The following ATP9B variants were observed in gnomAD, a reference collection of about 807,000 sequenced individuals.
ATP9B encodes probable phospholipid-transporting ATPase IIB.
In ATP9B, 110 loss-of-function variants were observed where a neutral mutation model predicts 146.1. The observed-to-expected ratio is 0.75, with a 90% CI of 0.65 to 0.88. The LOEUF is 0.88. Among genes scored for constraint, ATP9B ranks in the 40% least tolerant of loss-of-function variants. ATP9B has a pLI of 0.00. For synonymous variants in ATP9B, 604 were observed against 569.7 expected (o/e 1.06, Z -0.86); for missense variants, 1,499 against 1,496.4 (o/e 1.00, Z -0.03).
At chr18:79,174,546 T>G (rs2095130759) in intron 7 of ATP9B, among the ~76,000 whole-genome samples, 2 of 151,952 alleles carry the variant, frequency 1.3e-5, no homozygotes, top group African/African-American at 4.8e-5. Context: ...CAGGTGTCTC[T>G]CAAATCTGTT....
At chr18:79,248,341 G>C (rs950108487) in intron 11 of ATP9B, among the ~76,000 whole-genome samples, 10 of 152,178 alleles carry the variant, frequency 6.6e-5, no homozygotes, top group Admixed American at 3.9e-4. Flanking sequence ...TTGAAATGCA[G>C]AAACACAAAT....
Position 79,199,007 on chromosome 18 carries a change from A to C in ATP9B, c.954+5744A>C, listed in dbSNP as rs994120037. ...CACTCTGTTGCCCAGGATGGAGTGC[A>C]GTGGCGCAATCTCAGCTCACTGCAA... On this transcript the variant is annotated intron_variant, in intron 9 of 29. Coordinates refer to ENST00000426216, the MANE Select transcript of ATP9B (RefSeq NM_198531.5). Among the ~76,000 whole-genome samples the C allele has an allele frequency of 2.7e-4, 41 of 152,008 alleles. 1 individual carries two copies. The highest frequency in any genetic ancestry group is 2.0e-4 in the Admixed American group (3 of 15,258).
At chr18:79,355,620 C>T (rs1032682677) in intron 25 of ATP9B, among the ~76,000 whole-genome samples, 21 of 152,142 alleles carry the variant, frequency 1.4e-4, no homozygotes, top group Admixed American at 6.5e-5. Context: ...GATGGTAATT[C>T]TACCGTTTGT....
chr18:79,138,930 T>C (rs558542640), intron 5 of ATP9B, among the ~76,000 whole-genome samples: 8 of 152,110 alleles, frequency 5.3e-5, no homozygotes, highest in Non-Finnish European at 8.8e-5. Flanking sequence ...TAGCCGAGTG[T>C]GGTGGTGCGT....
chr18:79,201,308 T>C (rs376606707), intron 9 of ATP9B, among the ~76,000 whole-genome samples: 3 of 152,228 alleles, frequency 2.0e-5, no homozygotes, highest in Non-Finnish European at 4.4e-5. Flanking sequence ...ATAACTTGTT[T>C]ATAATGAGAA....
rs749089234 is a variant in ATP9B at position 79,069,490 on chromosome 18, G to T, written c.80G>T (p.Ser27Ile). Reference sequence around the variant, plus strand: ...AACCGCAAACGCGCGGCCTACTACAGCGCCGCGGGGCCCAGGCCGGGAGCC... The same window carrying T: ...AACCGCAAACGCGCGGCCTACTACATCGCCGCGGGGCCCAGGCCGGGAGCC... ...AANRKRAAYY[S>I]AAGPRPGADR... The change falls in exon 1 of 30, where the codon AGC becomes ATC. Residue 27 changes from serine (S) to isoleucine (I), a missense_variant. Ser to Ile is a moderately radical substitution (Grantham distance 142, BLOSUM62 -2). Coordinates refer to ENST00000426216, the MANE Select transcript of ATP9B (RefSeq NM_198531.5). 1.5e-4 allele frequency: 219 copies of T among 1,472,528 alleles called. No homozygotes were observed. The highest frequency in any genetic ancestry group is 1.9e-4 in the Non-Finnish European group (211 of 1,111,922). The allele number at this position is 1,472,528 out of a possible 1,614,324, so 91.2% of individuals were successfully genotyped here.
chr18:79,322,231 T>A (rs2096720173), intron 15 of ATP9B, among the ~76,000 whole-genome samples: 1 of 152,208 alleles, frequency 6.6e-6, no homozygotes, highest in African/African-American at 2.4e-5. Flanking sequence ...AGAGTTCTAA[T>A]TCAAGCCCCG....
intron 6 of ATP9B, among the ~76,000 whole-genome samples, chr18:79,151,557 G>C (rs1261098000): frequency 6.6e-6 from 1 of 152,292 alleles, no homozygotes; most frequent in South Asian, 2.1e-4. Context: ...GTGTGCCTAG[G>C]AGTGGAGCTG....
At position 79,069,497 on chromosome 18, in the gene ATP9B, G is replaced by A. The variant is rs377121935; in HGVS notation, c.87G>A (p.Ala29=). 7.3e-5 allele frequency: 107 copies of A among 1,466,314 alleles called. No individual in the cohort carries two copies. Among genetic ancestry groups the A allele is most frequent in the Non-Finnish European group, 9.4e-5 (104 of 1,108,728 alleles). The allele number at this position is 1,466,314 out of a possible 1,614,324, so 90.8% of individuals were successfully genotyped here. A position where few individuals can be genotyped will look rare whatever the true frequency, so the allele number is the denominator to read the frequency against. The change falls in exon 1 of 30, where the codon GCG becomes GCA. Residue 29 remains alanine (A), a synonymous_variant. Transcript: ENST00000426216. ...NRKRAAYYSA[A]GPRPGADRHS... ...AACGCGCGGCCTACTACAGCGCCGC[G>A]GGGCCCAGGCCGGGAGCCGACCGGC...
At chr18:79,118,977 T>G (rs1229068535) in intron 4 of ATP9B, among the ~76,000 whole-genome samples, 1 of 151,770 alleles carries the variant, frequency 6.6e-6, no homozygotes, top group African/African-American at 2.4e-5. Flanking sequence ...AAGCTGAGGT[T>G]GGAGGATTGC....
chr18:79,297,023 C>CGACCCAGAGAGAAGACAGAGAGAT (rs1426111382), intron 13 of ATP9B, among the ~76,000 whole-genome samples: 3 of 123,940 alleles, frequency 2.4e-5, no homozygotes, highest in African/African-American at 6.3e-5. Context: ...AAGACAGAGA[C>CGACCCAGAGAGAAGACAGAGAGAT]GACCCAGAGA....
intron 13 of ATP9B, among the ~76,000 whole-genome samples, chr18:79,290,581 C>T (rs913496120): frequency 2.6e-5 from 4 of 152,230 alleles, no homozygotes; most frequent in African/African-American, 4.8e-5. Context: ...TGAGGCAATG[C>T]CTCGCCCTGC....
chr18:79,190,352 T>C (rs1330369277), intron 8 of ATP9B, among the ~76,000 whole-genome samples: 3 of 152,184 alleles, frequency 2.0e-5, no homozygotes, highest in African/African-American at 7.2e-5. Flanking sequence ...TTTCAAATTA[T>C]CAACAAATCT....
In ATP9B at chr18:79,217,330, G is replaced by A. The variant is rs575119500; in HGVS notation, c.1107+3292G>A. ...CTCCCAAGTAGCTGGGACTACAGGCGTCCACCGCCACGCCTGGCTAATTTT... is the reference window on the plus strand; with the variant it reads ...CTCCCAAGTAGCTGGGACTACAGGCATCCACCGCCACGCCTGGCTAATTTT... On this transcript the variant is annotated intron_variant, in intron 11 of 29. Transcript: ENST00000426216. 1.0e-3 allele frequency among the ~76,000 whole-genome samples: 157 copies of A among 152,216 alleles called. 1 individual carries two copies. Among genetic ancestry groups the A allele is most frequent in the Non-Finnish European group, 1.9e-3 (127 of 68,004 alleles).
Position 79,096,632 on chromosome 18 carries a change from G to C in ATP9B, c.276G>C (p.Trp92Cys). 5.0e-6 allele frequency: 8 copies of C among 1,613,196 alleles called. No homozygotes were observed. Among genetic ancestry groups the C allele is most frequent in the Non-Finnish European group, 5.9e-6 (7 of 1,179,550 alleles). Residue 92 changes from tryptophan (W) to cysteine (C), a missense_variant, in exon 2 of 30, where the codon TGG becomes TGC. By Grantham distance (215) the Trp-to-Cys change is radical. Coordinates refer to ENST00000426216, the MANE Select transcript of ATP9B (RefSeq NM_198531.5). ...TGGAGTGGTTTGTCTGTGATGGCTG[G>C]AAGTTCCTCTGTACCAGGTTTGTTA... Reference protein sequence around the residue: ...RGLEWFVCDGWKFLCTSCCGW... With the variant: ...RGLEWFVCDGCKFLCTSCCGW...
chr18:79,337,341 C>G lies in ATP9B; in HGVS notation c.2175C>G (p.Val725=). The G allele has an allele frequency of 6.2e-7, 1 of 1,614,122 alleles. No homozygotes were observed. Residue 725 remains valine, a synonymous_variant, in exon 19 of 30, where the codon GTC becomes GTG. Coordinates refer to ENST00000426216, the MANE Select transcript of ATP9B (RefSeq NM_198531.5). ...HDRSLKVAAV[V]ESLEREMELL... ...GGTCCCTCAAGGTGGCCGCGGTAGT[C>G]GAGAGCCTGGAGAGGGAGATGGAAC...
chr18:79,293,458 G>A (rs1568598384), intron 13 of ATP9B, among the ~76,000 whole-genome samples: 1 of 152,068 alleles, frequency 6.6e-6, no homozygotes, highest in Non-Finnish European at 1.5e-5. Flanking sequence ...TTCATGGAGT[G>A]TTAGTTGTCA....
intron 26 of ATP9B, chr18:79,361,360 TGGCCA>T (rs2096987333): frequency 6.6e-6 from 1 of 152,212 alleles, no homozygotes; most frequent in Non-Finnish European, 1.5e-5. Context: ...TCCGTAACTG[TGGCCA>T]TGGAATCCGT....
intron 1 of ATP9B, among the ~76,000 whole-genome samples, chr18:79,084,256 G>C (rs1418116794): frequency 6.6e-6 from 1 of 151,700 alleles, no homozygotes; most frequent in Non-Finnish European, 1.5e-5. Flanking sequence ...ACCCCGTTGG[G>C]TACCCCGGGT....
Sources: gnomAD v4.1 joint callset for allele counts (sites outside exome capture counted in the v4.1 genomes callset) on GRCh38, gnomAD v4.1.1 for gene constraint, MANE v1.5 for transcripts, NCBI Gene and HGNC (gene_info 2026-07-23, HGNC 2026-07-21) for gene names.